The following CLSTN2 variants were observed in gnomAD, a reference collection of about 807,000 sequenced individuals.
CLSTN2 encodes the protein calsyntenin-2.
In CLSTN2, 48 loss-of-function variants were observed where a neutral mutation model predicts 101.2. The observed-to-expected ratio is 0.47, with a 90% CI of 0.38 to 0.60. CLSTN2 has a LOEUF of 0.60. Ranked by LOEUF, CLSTN2 falls within the 20% of genes least tolerant of loss-of-function variation. CLSTN2 has a pLI of 0.00. For synonymous variants in CLSTN2, 481 were observed against 463.6 expected (o/e 1.04, Z -0.48); for missense variants, 1,160 against 1,238.2 (o/e 0.94, Z 0.95).
At chr3:140,249,293 A>T (rs1196654920) in intron 2 of CLSTN2, among the ~76,000 whole-genome samples, 3 of 152,176 alleles carry the variant, frequency 2.0e-5, no homozygotes, top group East Asian at 1.9e-4. Flanking sequence ...ACTGCTGCAG[A>T]TGTTCTGGCT....
At chr3:139,967,812 T>C (rs1935627439) in intron 1 of CLSTN2, among the ~76,000 whole-genome samples, 1 of 151,962 alleles carries the variant, frequency 6.6e-6, no homozygotes, top group Non-Finnish European at 1.5e-5. Context: ...AACAGTTCCA[T>C]GGTTTTACAC....
intron 15 of CLSTN2, among the ~76,000 whole-genome samples, 167 bp downstream of exon 15, chr3:140,563,370 A>C (rs112211816): frequency 6.6e-6 from 1 of 152,182 alleles, no homozygotes; most frequent in Non-Finnish European, 1.5e-5. Flanking sequence ...TCACACCCTC[A>C]ATAGGCAGTC....
At chr3:139,961,342 G>C (rs1244225371) in intron 1 of CLSTN2, among the ~76,000 whole-genome samples, 1 of 152,190 alleles carries the variant, frequency 6.6e-6, no homozygotes, top group East Asian at 1.9e-4. Context: ...GCACGTGTTT[G>C]TGTGTCCCCT....
intron 2 of CLSTN2, among the ~76,000 whole-genome samples, chr3:140,207,533 A>T (rs763309063): frequency 4.6e-5 from 7 of 152,220 alleles, no homozygotes; most frequent in Non-Finnish European, 8.8e-5. Context: ...ATTAAATAAG[A>T]TGACATTTGT....
At chr3:139,937,510 G>T (rs577828586) in intron 1 of CLSTN2, among the ~76,000 whole-genome samples, 14 of 151,600 alleles carry the variant, frequency 9.2e-5, no homozygotes, top group Non-Finnish European at 1.9e-4. Context: ...GCCGAGGCGG[G>T]CGGATCACCT....
intron 1 of CLSTN2, among the ~76,000 whole-genome samples, chr3:140,139,077 T>C (rs1560106679): frequency 6.6e-6 from 1 of 152,158 alleles, no homozygotes; most frequent in African/African-American, 2.4e-5. Context: ...GGCAGCATGA[T>C]TGCTAAAAAT....
At chr3:140,518,661 G>A (rs1477937560) in intron 8 of CLSTN2, among the ~76,000 whole-genome samples, 1 of 152,180 alleles carries the variant, frequency 6.6e-6, no homozygotes, top group Non-Finnish European at 1.5e-5. Context: ...TTTTTCAGCT[G>A]TCTCCAGGGG....
chr3:140,026,876 C>T (rs959367905), intron 1 of CLSTN2, among the ~76,000 whole-genome samples: 4 of 152,344 alleles, frequency 2.6e-5, no homozygotes, highest in African/African-American at 9.6e-5. Flanking sequence ...GTCACTTTTC[C>T]TCTTGGCTGG....
chr3:140,396,869 G>A (rs1030546197), intron 2 of CLSTN2, among the ~76,000 whole-genome samples: 27 of 152,214 alleles, frequency 1.8e-4, no homozygotes, highest in African/African-American at 6.5e-4. Context: ...TATGAGCTGG[G>A]GGGACACTAT....
chr3:140,134,282 T>C (rs1386847872), intron 1 of CLSTN2, among the ~76,000 whole-genome samples: 1 of 152,214 alleles, frequency 6.6e-6, no homozygotes, highest in African/African-American at 2.4e-5. Context: ...CTGAATATTT[T>C]CCTTCTGGAC....
At chr3:140,101,994 T>C (rs2008973869) in intron 1 of CLSTN2, among the ~76,000 whole-genome samples, 1 of 152,198 alleles carries the variant, frequency 6.6e-6, no homozygotes, top group Non-Finnish European at 1.5e-5. Context: ...CTACAAAGTC[T>C]TAAATATCTA....
chr3:139,957,249 G>C (rs1935422521), intron 1 of CLSTN2, among the ~76,000 whole-genome samples: 1 of 151,956 alleles, frequency 6.6e-6, no homozygotes, highest in South Asian at 2.1e-4. Flanking sequence ...AGCTCAGGAA[G>C]AAATCAGGTG....
intron 11 of CLSTN2, among the ~76,000 whole-genome samples, chr3:140,557,450 G>T (rs1224808183): frequency 6.6e-6 from 1 of 152,214 alleles, no homozygotes; most frequent in Admixed American, 6.5e-5. Context: ...AGGCTTAGGG[G>T]TAGGAAACAG....
chr3:140,545,954 G>T (rs1180279204), intron 9 of CLSTN2, among the ~76,000 whole-genome samples: 1 of 152,200 alleles, frequency 6.6e-6, no homozygotes, highest in Non-Finnish European at 1.5e-5. Flanking sequence ...AGCATTTCTA[G>T]TATTCCTCAG....
chr3:139,935,697 T>G lies in CLSTN2; in HGVS notation c.109+214T>G, dbSNP rs573193568. 4.7e-4 allele frequency among the ~76,000 whole-genome samples: 71 copies of G among 151,970 alleles called. No individual in the cohort carries two copies. The highest frequency in any genetic ancestry group is 6.8e-3 in the Middle Eastern group (2 of 294). On this transcript the variant is annotated intron_variant, in intron 1 of 16. Transcript: ENST00000458420. The surrounding 1 kb of genome is among the most constrained non-coding windows in gnomAD (Gnocchi z 5.5). ...ACGTCAACTCAACCCCTGGGCGGGGTCCGGGGGCTGAGCAGAAGGCGAGGT... is the reference window on the plus strand; with the variant it reads ...ACGTCAACTCAACCCCTGGGCGGGGGCCGGGGGCTGAGCAGAAGGCGAGGT...
intron 1 of CLSTN2, among the ~76,000 whole-genome samples, chr3:140,082,586 C>A (rs187776132): frequency 8.9e-4 from 135 of 152,268 alleles, no homozygotes; most frequent in African/African-American, 3.1e-3. Flanking sequence ...TCTAATGCTC[C>A]CCCATACACC....
chr3:139,970,327 A>T (rs1029033278), intron 1 of CLSTN2, among the ~76,000 whole-genome samples: 14 of 151,868 alleles, frequency 9.2e-5, no homozygotes, highest in Non-Finnish European at 1.8e-4. Context: ...CTGGGGGGGG[A>T]TGCTCTCCAT....
At chr3:140,112,259 C>T (rs543108605) in intron 1 of CLSTN2, among the ~76,000 whole-genome samples, 13 of 152,074 alleles carry the variant, frequency 8.5e-5, no homozygotes, top group African/African-American at 2.9e-4. Flanking sequence ...GTCTTCTAAG[C>T]GATTTCAGGA....
intron 1 of CLSTN2, among the ~76,000 whole-genome samples, chr3:140,059,441 G>A (rs1357207266): frequency 1.3e-5 from 2 of 152,090 alleles, no homozygotes; most frequent in Non-Finnish European, 2.9e-5. Flanking sequence ...TTAAGACACA[G>A]GTGTGTTCCT....
Sources: allele counts gnomAD v4.1 joint callset (sites outside exome capture counted in the v4.1 genomes callset), GRCh38; gene constraint gnomAD v4.1.1; non-coding constraint Gnocchi (gnomAD v3.1); transcripts MANE v1.5; gene names NCBI Gene and HGNC (gene_info 2026-07-23, HGNC 2026-07-21).